PPP2R5E: variants seen among roughly 807,000 people sequenced by gnomAD.
PPP2R5E encodes the protein serine/threonine-protein phosphatase 2A 56 kDa regulatory subunit epsilon isoform.
A neutral mutation model predicts 65.3 loss-of-function variants in PPP2R5E; 4 were observed. The observed-to-expected ratio is 0.06, with a 90% CI of 0.03 to 0.14. The LOEUF (loss-of-function observed/expected upper bound fraction) is 0.14, where lower values mean the gene tolerates loss of function less well. PPP2R5E is among the 10% of genes least tolerant of loss of function. The pLI is 1.00. For missense variants in PPP2R5E, 274 were observed against 556.1 expected (o/e 0.49, Z 5.10); for synonymous variants, 183 against 187.4 (o/e 0.98, Z 0.19).
chr14:63,410,677 G>A (rs888163974), intron 5 of PPP2R5E, among the ~76,000 whole-genome samples: 1 of 152,196 alleles, frequency 6.6e-6, no homozygotes, highest in Non-Finnish European at 1.5e-5. Context: ...GAAAAGGACA[G>A]GAGGCCAACT....
At chr14:63,475,678 T>C (rs1890374993) in intron 2 of PPP2R5E, among the ~76,000 whole-genome samples, 1 of 152,224 alleles carries the variant, frequency 6.6e-6, no homozygotes, top group Non-Finnish European at 1.5e-5. Context: ...GAACTGTTTA[T>C]AGGTATGAAG....
At chr14:63,421,676 C>T (rs1288613512) in intron 4 of PPP2R5E, among the ~76,000 whole-genome samples, 2 of 152,136 alleles carry the variant, frequency 1.3e-5, no homozygotes, top group Non-Finnish European at 2.9e-5. Context: ...CCAACTAATG[C>T]TAATGTGAAA....
Position 63,463,113 on chromosome 14 carries a change from A to C in PPP2R5E, c.158-9228T>G, listed in dbSNP as rs1232844137. Among the ~76,000 whole-genome samples the C allele has an allele frequency of 1.3e-4, 19 of 147,264 alleles. No homozygotes were observed. The South Asian group carries it at 4.0e-3, about 31-fold the overall frequency. The stretch of plus-strand genomic sequence containing the variant: ...GCAAAACTCCATCTCAAAAAAAAAA[A>C]AAAAAACTAAGATGGTTTTTTTGTT... On this transcript the variant is annotated intron_variant, in intron 2 of 13. Coordinates refer to ENST00000337537, the MANE Select transcript of PPP2R5E (RefSeq NM_006246.5).
chr14:63,394,383 C>T (rs1024454373), intron 7 of PPP2R5E, among the ~76,000 whole-genome samples: 1 of 152,018 alleles, frequency 6.6e-6, no homozygotes, highest in Non-Finnish European at 1.5e-5. Context: ...CCACACCCAG[C>T]CAGGATTTCT....
At chr14:63,531,211 G>C (rs973427497) in intron 2 of PPP2R5E, among the ~76,000 whole-genome samples, 2 of 152,096 alleles carry the variant, frequency 1.3e-5, no homozygotes, top group Non-Finnish European at 2.9e-5. Flanking sequence ...GTATACATGT[G>C]CCATGTTGGT....
chr14:63,538,150 G>A (rs1259691350), intron 2 of PPP2R5E, among the ~76,000 whole-genome samples: 1 of 152,134 alleles, frequency 6.6e-6, no homozygotes, highest in Admixed American at 6.5e-5. Context: ...GGGCGTGATG[G>A]CATGCTTCTG....
intron 2 of PPP2R5E, among the ~76,000 whole-genome samples, chr14:63,522,323 G>A (rs1320299428): frequency 1.9e-4 from 29 of 151,582 alleles, no homozygotes; most frequent in Non-Finnish European, 3.4e-4. Flanking sequence ...GCCTGCCTTG[G>A]CCTCCCAAAG....
chr14:63,394,747 C>T (rs907414129), intron 7 of PPP2R5E, among the ~76,000 whole-genome samples: 1 of 152,178 alleles, frequency 6.6e-6, no homozygotes, highest in African/African-American at 2.4e-5. Flanking sequence ...CATTATCCTC[C>T]CTTGTGTGTA....
Position 63,530,987 on chromosome 14 carries a change from A to G in PPP2R5E, c.157+8542T>C, listed in dbSNP as rs1255778. On this transcript the variant is annotated intron_variant, in intron 2 of 13. Coordinates refer to ENST00000337537, the MANE Select transcript of PPP2R5E (RefSeq NM_006246.5). The stretch of plus-strand genomic sequence containing the variant: ...TGCTACAGAAGCAAACTATTAGGAT[A>G]TATTAAAAAATGTATATTCCTTCCT... Among the ~76,000 whole-genome samples the G allele has an allele frequency of 7.0e-3, 1,072 of 152,314 alleles. 15 individuals are homozygous for G. Among genetic ancestry groups the G allele is most frequent in the African/African-American group, 0.024 (1,014 of 41,570 alleles).
At chr14:63,433,017 T>TTTTTGTTTTG (rs1226394133) in intron 3 of PPP2R5E, among the ~76,000 whole-genome samples, 2 of 146,212 alleles carry the variant, frequency 1.4e-5, no homozygotes, top group Non-Finnish European at 3.0e-5. Flanking sequence ...ACAGTTTTGT[T>TTTTTGTTTTG]TTTTGTTTTG....
intron 2 of PPP2R5E, among the ~76,000 whole-genome samples, chr14:63,459,301 C>T (rs911473760): frequency 3.9e-5 from 6 of 152,146 alleles, no homozygotes; most frequent in African/African-American, 9.7e-5. Flanking sequence ...TTACCTCTAC[C>T]TTTTCATAGC....
At chr14:63,536,330 A>C (rs754807091) in intron 2 of PPP2R5E, among the ~76,000 whole-genome samples, 16 of 152,228 alleles carry the variant, frequency 1.1e-4, no homozygotes, top group Non-Finnish European at 1.9e-4. Context: ...TCACACTGAA[A>C]TACCACTTCA....
chr14:63,474,673 CAAAAAAAAAAAAAAAAA>C (rs1157357885), intron 2 of PPP2R5E, among the ~76,000 whole-genome samples: 2 of 27,730 alleles, frequency 7.2e-5, no homozygotes, highest in Non-Finnish European at 1.5e-4. Context: ...TACCCCATCT[CAAAAAAAAAAAAAAAAA>C]AAAAAAAAAA....
At chr14:63,527,991 C>A (rs1893251018) in intron 2 of PPP2R5E, among the ~76,000 whole-genome samples, 1 of 151,366 alleles carries the variant, frequency 6.6e-6, no homozygotes, top group Admixed American at 6.6e-5. Context: ...GTATGTGTGA[C>A]CCCAGGGCCT....
chr14:63,468,877 TA>T (rs1433097554), intron 2 of PPP2R5E, among the ~76,000 whole-genome samples: 1 of 152,178 alleles, frequency 6.6e-6, no homozygotes, highest in Admixed American at 6.5e-5. Flanking sequence ...CATAAAATAC[TA>T]AACCACTTCA....
chr14:63,516,926 T>C (rs1402986387), intron 2 of PPP2R5E, among the ~76,000 whole-genome samples: 1 of 152,236 alleles, frequency 6.6e-6, no homozygotes, highest in Non-Finnish European at 1.5e-5. Context: ...TATATAGTGA[T>C]ATATTGTTTT....
In PPP2R5E at chr14:63,384,757, G is replaced by A. The variant is rs538466222; in HGVS notation, c.1075-186C>T. ...TTGAGATGGGAGTCTCGCTAGTGGC[G>A]CGATCTCGGCTCTCTGCAACCTCCG... is the stretch of plus-strand genomic sequence containing the variant. On this transcript the variant is annotated intron_variant, in intron 11 of 13. Coordinates refer to ENST00000337537, the MANE Select transcript of PPP2R5E (RefSeq NM_006246.5). 9.9e-5 allele frequency among the ~76,000 whole-genome samples: 15 copies of A among 151,958 alleles called. No individual in the cohort carries two copies. In the East Asian group the frequency reaches 2.7e-3, roughly 28 times the overall value.
chr14:63,416,033 T>C (rs907279269), intron 4 of PPP2R5E, among the ~76,000 whole-genome samples: 1 of 152,232 alleles, frequency 6.6e-6, no homozygotes, highest in Non-Finnish European at 1.5e-5. Context: ...AATATACCCA[T>C]CTGCAAAAAG....
intron 2 of PPP2R5E, among the ~76,000 whole-genome samples, chr14:63,536,497 A>G (rs1893670748): frequency 6.6e-6 from 1 of 152,174 alleles, no homozygotes; most frequent in South Asian, 2.1e-4. Flanking sequence ...AATTCAACAT[A>G]TGATCCAGCA....
Sources: allele counts gnomAD v4.1 joint callset (sites outside exome capture counted in the v4.1 genomes callset), GRCh38; gene constraint gnomAD v4.1.1; transcripts MANE v1.5; gene names NCBI Gene and HGNC (gene_info 2026-07-23, HGNC 2026-07-21).